Variants in TMTC1 observed in about 807,000 individuals in gnomAD.
TMTC1 encodes the protein protein O-mannosyl-transferase TMTC1.
In TMTC1, 73 loss-of-function variants were observed where a neutral mutation model predicts 104.8. That is an observed-to-expected ratio of 0.70 (90% CI 0.58 to 0.85). The LOEUF (loss-of-function observed/expected upper bound fraction) is 0.85. TMTC1 is among the 40% of genes least tolerant of loss of function. TMTC1 has a pLI of 0.00. For missense variants in TMTC1, 1,035 were observed against 1,096.1 expected (o/e 0.94, Z 0.79); for synonymous variants, 434 against 428.7 (o/e 1.01, Z -0.15).
chr12:29,551,189 A>T (rs11050278), intron 10 of TMTC1, among the ~76,000 whole-genome samples: 9 of 151,998 alleles, frequency 5.9e-5, no homozygotes, highest in African/African-American at 1.2e-4. Flanking sequence ...GGTGTTAAAA[A>T]GTTTTCTTTA....
chr12:29,674,467 G>C (rs573275109), intron 5 of TMTC1, among the ~76,000 whole-genome samples: 7 of 152,168 alleles, frequency 4.6e-5, no homozygotes, highest in Non-Finnish European at 5.9e-5. Flanking sequence ...GATTAGTAGA[G>C]GAAAAGATTT....
intron 7 of TMTC1, among the ~76,000 whole-genome samples, chr12:29,589,354 A>T (rs1205585515): frequency 3.9e-5 from 6 of 152,110 alleles, no homozygotes; most frequent in Admixed American, 3.9e-4. Flanking sequence ...AAATCTCTAA[A>T]CTGATTCAGA....
intron 5 of TMTC1, among the ~76,000 whole-genome samples, chr12:29,654,651 T>G (rs1027882646): frequency 6.6e-6 from 1 of 151,854 alleles, no homozygotes; most frequent in South Asian, 2.1e-4. Context: ...AAAACTTGTA[T>G]GTGAATGTTC....
intron 5 of TMTC1, among the ~76,000 whole-genome samples, chr12:29,671,639 T>A (rs1053877525): frequency 6.6e-5 from 10 of 152,176 alleles, no homozygotes; most frequent in African/African-American, 2.4e-4. Flanking sequence ...TGTAAAAAAG[T>A]GAATTCACTT....
At chr12:29,640,340 G>C (rs1280417322) in intron 5 of TMTC1, among the ~76,000 whole-genome samples, 3 of 103,632 alleles carry the variant, frequency 2.9e-5, no homozygotes, top group South Asian at 2.7e-4. Flanking sequence ...GAGCAGCGAG[G>C]GGGGGCTCAC....
chr12:29,764,840 T>C (rs1385551777), intron 2 of TMTC1, among the ~76,000 whole-genome samples: 12 of 152,158 alleles, frequency 7.9e-5, no homozygotes, highest in Admixed American at 3.3e-4. Flanking sequence ...TTTAAGGTCA[T>C]TTTGCTAATA....
At chr12:29,571,571 T>TACACACACACATACACACACACACAC (rs1945678467) in intron 9 of TMTC1, among the ~76,000 whole-genome samples, 1 of 131,804 alleles carries the variant, frequency 7.6e-6, no homozygotes, top group Non-Finnish European at 1.6e-5. Context: ...AGAATGTTAA[T>TACACACACACATACACACACACACAC]ACACACACAC....
chr12:29,757,377 GCCA>G (rs1377101379), intron 3 of TMTC1, among the ~76,000 whole-genome samples: 1 of 152,206 alleles, frequency 6.6e-6, no homozygotes, highest in African/African-American at 2.4e-5. Flanking sequence ...CCCACTAGAT[GCCA>G]TGAACACCAC....
intron 5 of TMTC1, chr12:29,666,122 T>C (rs1460947381): frequency 2.4e-6 from 1 of 414,454 alleles, no homozygotes; most frequent in Non-Finnish European, 4.7e-6. Flanking sequence ...ACAAGTGTTA[T>C]TTGAATATTT....
At chr12:29,707,488 A>G (rs1036098183) in intron 5 of TMTC1, among the ~76,000 whole-genome samples, 1 of 152,130 alleles carries the variant, frequency 6.6e-6, no homozygotes, top group Non-Finnish European at 1.5e-5. Flanking sequence ...ATGAGGCTAC[A>G]AAGTCCAGAG....
In TMTC1 at chr12:29,607,359, T is replaced by C. The variant is rs530496188; in HGVS notation, c.1129-3060A>G. Among the ~76,000 whole-genome samples, 5 of 152,096 alleles carry C rather than the reference T, an allele frequency of 3.3e-5. No homozygotes were observed. In the South Asian group the frequency reaches 1.0e-3, roughly 32 times the overall value. ...ATATTTGCTGAATAAATCAATTAAG[T>C]GAATAAATGTATCAGGCAGGATACA... On this transcript the variant is annotated intron_variant, in intron 6 of 17. Transcript: ENST00000539277.
At chr12:29,660,774 A>G in intron 5 of TMTC1, 1 of 833,618 alleles carries the variant, frequency 1.2e-6, no homozygotes, top group Non-Finnish European at 1.6e-6. Context: ...GATATTTCAA[A>G]AGTATATATA....
intron 9 of TMTC1, among the ~76,000 whole-genome samples, chr12:29,558,027 T>C (rs1945290203): frequency 6.6e-6 from 1 of 152,074 alleles, no homozygotes; most frequent in Non-Finnish European, 1.5e-5. Context: ...AAAGCAAATG[T>C]AAAAGAGGAT....
rs552283336 is a variant in TMTC1 at position 29,564,203 on chromosome 12, G to A, written c.1533-7203C>T. On this transcript the variant is annotated intron_variant, in intron 9 of 17. Transcript: ENST00000539277. ...GAGAAGATGACCAGTCAAGTTTGAG[G>A]TGCAGAGGGCAATTTGTGAAAATGT... 2.0e-5 allele frequency among the ~76,000 whole-genome samples: 3 copies of A among 152,332 alleles called. No individual in the cohort carries two copies. The East Asian group carries it at 5.8e-4, about 29-fold the overall frequency.
rs1014341488 is a variant in TMTC1 at position 29,517,975 on chromosome 12, A to C, written c.2025-404T>G. Among the ~76,000 whole-genome samples the C allele has an allele frequency of 2.0e-5, 3 of 152,274 alleles. No homozygotes were observed. The South Asian group carries it at 6.2e-4, about 32-fold the overall frequency. On this transcript the variant is annotated intron_variant, in intron 13 of 17. Coordinates refer to ENST00000539277, the MANE Select transcript of TMTC1 (RefSeq NM_001193451.2). ...GGTGATTCGACCATCTTGGCCTCCCAAAGTGCTGGGATTACAGGCATGAGC... is the reference window on the plus strand; with the variant it reads ...GGTGATTCGACCATCTTGGCCTCCCCAAGTGCTGGGATTACAGGCATGAGC...
Position 29,693,478 on chromosome 12 carries a change from A to G in TMTC1, c.938+58188T>C, listed in dbSNP as rs115373366. Among the ~76,000 whole-genome samples the G allele has an allele frequency of 8.6e-3, 935 of 109,280 alleles. 109 individuals are homozygous for G. The highest frequency in any genetic ancestry group is 0.029 in the African/African-American group (903 of 30,996). 71.7% of individuals were successfully genotyped at this position (109,280 alleles called of 152,430 possible). A position where few individuals can be genotyped will look rare whatever the true frequency, so the allele number is the denominator to read the frequency against. ...ATTGGAATTTATTCCTCCTAACTGTAATTTTGTATCCAAAATTTGTAACCA... is the reference window on the plus strand; with the variant it reads ...ATTGGAATTTATTCCTCCTAACTGTGATTTTGTATCCAAAATTTGTAACCA... On this transcript the variant is annotated intron_variant, in intron 5 of 17. Transcript: ENST00000539277.
chr12:29,566,354 G>C (rs953329993), intron 9 of TMTC1, among the ~76,000 whole-genome samples: 15 of 152,204 alleles, frequency 9.9e-5, no homozygotes, highest in African/African-American at 3.4e-4. Flanking sequence ...TAAGGGGGCA[G>C]GTGGTGCAGG....
At chr12:29,611,278 C>A (rs1409615) in intron 6 of TMTC1, among the ~76,000 whole-genome samples, 64,170 of 150,800 alleles carry the variant, frequency 0.43, 13,924 homozygotes, top group African/African-American at 0.47. Flanking sequence ...AAAACGTCTT[C>A]TCTCACAACA....
intron 6 of TMTC1, among the ~76,000 whole-genome samples, chr12:29,625,293 T>A (rs1272248495): frequency 6.6e-6 from 1 of 152,144 alleles, no homozygotes; most frequent in Non-Finnish European, 1.5e-5. Context: ...AAGTTCATCA[T>A]CACACACACA....
Sources: gnomAD v4.1 joint callset for allele counts (sites outside exome capture counted in the v4.1 genomes callset) on GRCh38, gnomAD v4.1.1 for gene constraint, MANE v1.5 for transcripts, NCBI Gene and HGNC (gene_info 2026-07-23, HGNC 2026-07-21) for gene names.